Variants in SLCO1A2 observed in about 807,000 individuals in gnomAD.
SLCO1A2 encodes the protein solute carrier organic anion transporter family member 1A2.
SLCO1A2 carries 67 observed loss-of-function variants against 69.0 expected under a neutral mutation model. The ratio of observed to expected loss-of-function variants is 0.97; its 90% CI spans 0.80 to 1.19. The LOEUF is 1.19. Ranked by LOEUF, SLCO1A2 falls within the 50% of genes most tolerant of loss-of-function variation. The pLI is 0.00. For missense variants in SLCO1A2, 787 were observed against 793.7 expected (o/e 0.99, Z 0.10); for synonymous variants, 260 against 265.9 (o/e 0.98, Z 0.22).
At chr12:21,408,984 A>G in intron 1 of SLCO1A2, among the ~76,000 whole-genome samples, 1 of 152,234 alleles carries the variant, frequency 6.6e-6, no homozygotes. Flanking sequence ...GCAGAGGTAG[A>G]CAGAGTTTGT....
intron 3 of SLCO1A2, among the ~76,000 whole-genome samples, chr12:21,317,935 T>A (rs59940564): frequency 0.056 from 8,541 of 152,150 alleles, 770 homozygotes; most frequent in African/African-American, 0.19. Flanking sequence ...GTAGACTTTA[T>A]TTTTCTCTAG....
exon 1 of SLCO1A2, chr12:21,395,112 C>G (rs948090952): frequency 1.3e-5 from 2 of 156,962 alleles, no homozygotes; most frequent in Admixed American, 1.3e-4. Context: ...TCTGAGGTAC[C>G]GGGTTCATCT....
intron 1 of SLCO1A2, chr12:21,403,676 T>C (rs920873558): frequency 1.3e-5 from 2 of 151,410 alleles, no homozygotes; most frequent in Non-Finnish European, 2.9e-5. Context: ...GTTCTAAGAT[T>C]ACTGTACTCA....
At chr12:21,346,670 T>C (rs1422453947) in intron 2 of SLCO1A2, among the ~76,000 whole-genome samples, 3 of 152,200 alleles carry the variant, frequency 2.0e-5, no homozygotes, top group African/African-American at 7.2e-5. Context: ...GAGTTTGACA[T>C]GTTGTGTGAC....
intron 11 of SLCO1A2, 122 bp downstream of exon 11, chr12:21,293,823 T>A: frequency 2.7e-6 from 2 of 741,564 alleles, no homozygotes; most frequent in Non-Finnish European, 4.0e-6. Flanking sequence ...TTTTTCCACA[T>A]ACAAAAAAAG....
chr12:21,416,893 T>C (rs1411684977), intron 1 of SLCO1A2, among the ~76,000 whole-genome samples: 4 of 152,154 alleles, frequency 2.6e-5, no homozygotes, highest in Non-Finnish European at 4.4e-5. Flanking sequence ...AACAGTTTAA[T>C]TGGATCAGGA....
rs1157936326 is a variant in SLCO1A2 at position 21,265,802 on chromosome 12, G to GTAAT, written c.*3742_*3745dup. 6.6e-6 allele frequency: 1 copy of GTAAT among 152,022 alleles called. No homozygotes were observed. The highest frequency in any genetic ancestry group is 1.9e-4 in the East Asian group (1 of 5,178). 9.4% of individuals were successfully genotyped at this position (152,022 alleles called of 1,614,324 possible). ...TTGCCTCTTTTTCCTTTTCCCCTTG[G>GTAAT]TAATAAATTTGAGGGATCTAAGAAT... is the stretch of plus-strand genomic sequence containing the variant. On this transcript the variant is annotated 3_prime_UTR_variant, in exon 15 of 15. Transcript: ENST00000683939.
chr12:21,416,372 A>G (rs1343033458), intron 1 of SLCO1A2, among the ~76,000 whole-genome samples: 1 of 151,902 alleles, frequency 6.6e-6, no homozygotes, highest in Non-Finnish European at 1.5e-5. Flanking sequence ...ACACACACAC[A>G]CACACACACA....
chr12:21,415,156 T>G (rs375584709), intron 1 of SLCO1A2, among the ~76,000 whole-genome samples: 3 of 152,110 alleles, frequency 2.0e-5, no homozygotes, highest in East Asian at 3.8e-4. Flanking sequence ...GTTATTATCT[T>G]AATTCATTAT....
chr12:21,344,177 G>C (rs74064717), intron 2 of SLCO1A2, among the ~76,000 whole-genome samples: 9,682 of 152,118 alleles, frequency 0.064, 381 homozygotes, highest in Middle Eastern at 0.1. Context: ...TGAGCTATCA[G>C]TTGTATCTAT....
At chr12:21,378,722 G>A (rs1940389432) in intron 1 of SLCO1A2, 1 of 280,222 alleles carries the variant, frequency 3.6e-6, no homozygotes, top group South Asian at 6.6e-5. Context: ...AGGAGAAAAA[G>A]GTAGTTTGAA....
At chr12:21,376,977 A>G (rs937980565) in intron 1 of SLCO1A2, among the ~76,000 whole-genome samples, 5 of 152,166 alleles carry the variant, frequency 3.3e-5, no homozygotes, top group Non-Finnish European at 7.4e-5. Flanking sequence ...TCCATTTCCG[A>G]TATCGTTTTA....
chr12:21,328,962 C>A (rs541191471), intron 2 of SLCO1A2, among the ~76,000 whole-genome samples: 130 of 152,258 alleles, frequency 8.5e-4, no homozygotes, highest in African/African-American at 3.0e-3. Flanking sequence ...CTCCACTTGG[C>A]ATTTTATAGG....
chr12:21,295,831 AC>A, intron 9 of SLCO1A2, 39 bp from the exon 10 acceptor site: 1 of 1,141,864 alleles, frequency 8.8e-7, no homozygotes, highest in South Asian at 1.4e-5. Context: ...AAAATGACTT[AC>A]CAAAGGAACA....
intron 12 of SLCO1A2, among the ~76,000 whole-genome samples, chr12:21,280,678 C>CAAAAA (rs71444113): frequency 3.1e-5 from 4 of 129,358 alleles, no homozygotes; most frequent in African/African-American, 9.0e-5. Context: ...TCTTCCAGAC[C>CAAAAA]AAAAAAAAAA....
rs376482695 is a variant in SLCO1A2, at chr12:21,368,138, G to A, written c.-63+6261C>T. On this transcript the variant is annotated intron_variant, in intron 2 of 15. Coordinates refer to the SLCO1A2 transcript ENST00000307378. ...ACTGATCATTTTTAACCTCATAAAA[G>A]ATATTATGTACCCCTTGATATAATG... is the stretch of plus-strand genomic sequence containing the variant. Among the ~76,000 whole-genome samples the A allele has an allele frequency of 7.2e-4, 109 of 152,188 alleles. 2 individuals carry two copies. The South Asian group carries it at 0.022, about 31-fold the overall frequency.
At chr12:21,320,645 T>A (rs1044304860) in intron 2 of SLCO1A2, among the ~76,000 whole-genome samples, 3 of 152,028 alleles carry the variant, frequency 2.0e-5, no homozygotes, top group Non-Finnish European at 4.4e-5. Flanking sequence ...GCTACAAGTG[T>A]GTACCACCAT....
chr12:21,271,845 TATAC>T (rs1397663906), intron 14 of SLCO1A2, among the ~76,000 whole-genome samples: 1 of 148,592 alleles, frequency 6.7e-6, no homozygotes. Flanking sequence ...TACATATTTA[TATAC>T]ATATATTTGT....
chr12:21,378,533 T>C, intron 1 of SLCO1A2: 1 of 938,462 alleles, frequency 1.1e-6, no homozygotes, highest in East Asian at 2.5e-5. Context: ...GTGTGTCTGA[T>C]GTTTGTTGCT....
Sources: gnomAD v4.1 joint callset for allele counts (sites outside exome capture counted in the v4.1 genomes callset) on GRCh38, gnomAD v4.1.1 for gene constraint, MANE v1.5 for transcripts, NCBI Gene and HGNC (gene_info 2026-07-23, HGNC 2026-07-21) for gene names.